PPP6C: variants seen among roughly 807,000 people sequenced by gnomAD.
PPP6C encodes the protein protein phosphatase 6 catalytic subunit.
In PPP6C, 11 loss-of-function variants were observed where a neutral mutation model predicts 39.8. The ratio of observed to expected loss-of-function variants is 0.28; its 90% CI spans 0.17 to 0.46. The LOEUF (loss-of-function observed/expected upper bound fraction) is 0.46. PPP6C is among the 20% of genes least tolerant of loss of function. The pLI, the probability that PPP6C is intolerant of heterozygous loss-of-function variation, is 1.00. For synonymous variants in PPP6C, 129 were observed against 130.3 expected, an observed-to-expected ratio of 0.99 and a Z score of 0.07; for missense variants, 211 against 373.9, an observed-to-expected ratio of 0.56 and a Z score of 3.59.
intron 2 of PPP6C, among the ~76,000 whole-genome samples, chr9:125,167,330 G>C (rs143036836): frequency 1.5e-3 from 197 of 130,714 alleles, no homozygotes; most frequent in African/African-American, 5.3e-3. Context: ...GCAATGAACT[G>C]AGATCACACC....
intron 2 of PPP6C, among the ~76,000 whole-genome samples, chr9:125,168,492 CTT>C (rs1235932285): frequency 2.0e-5 from 3 of 152,132 alleles, no homozygotes; most frequent in Non-Finnish European, 4.4e-5. Flanking sequence ...GAGTTTCGCT[CTT>C]GTTGCCCAGG....
At chr9:125,179,532 G>C (rs16927915) in intron 1 of PPP6C, among the ~76,000 whole-genome samples, 3,531 of 152,122 alleles carry the variant, frequency 0.023, 145 homozygotes, top group African/African-American at 0.082. Flanking sequence ...CCAGGTCTGG[G>C]TGGCTACCTA....
intron 1 of PPP6C, among the ~76,000 whole-genome samples, chr9:125,189,207 A>C (rs974782245): frequency 6.6e-6 from 1 of 152,196 alleles, no homozygotes; most frequent in Non-Finnish European, 1.5e-5. Context: ...GCGTTCCGGT[A>C]GCCGGTGGCA....
At chr9:125,164,141 T>C (rs1828958048) in intron 2 of PPP6C, among the ~76,000 whole-genome samples, 1 of 151,816 alleles carries the variant, frequency 6.6e-6, no homozygotes, top group Admixed American at 6.6e-5. Flanking sequence ...ACGGCCCTAT[T>C]TTCATCCTAC....
chr9:125,189,298 GC>G (rs1199305894), intron 1 of PPP6C, among the ~76,000 whole-genome samples: 2 of 152,244 alleles, frequency 1.3e-5, no homozygotes, highest in African/African-American at 4.8e-5. Flanking sequence ...TGCCGCGGGG[GC>G]TCGGCTCCGA....
intron 1 of PPP6C, among the ~76,000 whole-genome samples, chr9:125,185,914 G>A (rs1477668024): frequency 6.6e-6 from 1 of 152,000 alleles, no homozygotes; most frequent in Admixed American, 6.6e-5. Context: ...GAACCCGGGA[G>A]GCAGAGGTTG....
chr9:125,150,812 C>G, intron 6 of PPP6C: 2 of 743,184 alleles, frequency 2.7e-6, no homozygotes, highest in South Asian at 2.7e-5. Flanking sequence ...ATGTCTACAT[C>G]ATTCAGAGTG....
chr9:125,182,616 C>T (rs1291521853), intron 1 of PPP6C, among the ~76,000 whole-genome samples: 1 of 151,814 alleles, frequency 6.6e-6, no homozygotes, highest in South Asian at 2.1e-4. Context: ...TATTCACACG[C>T]TTATGATCCA....
intron 1 of PPP6C, among the ~76,000 whole-genome samples, chr9:125,172,272 C>T (rs1321763030): frequency 6.6e-6 from 1 of 151,922 alleles, no homozygotes; most frequent in East Asian, 1.9e-4. Flanking sequence ...GGCTGGAGTC[C>T]AGTAGCACAA....
chr9:125,159,732 G>T (rs1828812489), intron 3 of PPP6C, among the ~76,000 whole-genome samples: 1 of 152,178 alleles, frequency 6.6e-6, no homozygotes, highest in African/African-American at 2.4e-5. Context: ...TAGGAAAGTG[G>T]CCGGCGTGGT....
At chr9:125,151,680 C>G (rs567153870) in intron 6 of PPP6C, 2 of 466,258 alleles carry the variant, frequency 4.3e-6, no homozygotes, top group East Asian at 1.1e-4. Flanking sequence ...GCAGAAGACC[C>G]AGCTTGCTCC....
At chr9:125,188,480 A>T (rs1212476302) in intron 1 of PPP6C, among the ~76,000 whole-genome samples, 1 of 151,308 alleles carries the variant, frequency 6.6e-6, no homozygotes, top group Middle Eastern at 3.2e-3. Flanking sequence ...GCATAGAAAC[A>T]CTTTTCAAAG....
chr9:125,184,747 C>A, intron 1 of PPP6C, among the ~76,000 whole-genome samples: 1 of 151,830 alleles, frequency 6.6e-6, no homozygotes, highest in South Asian at 2.1e-4. Context: ...CCGAGGTGGG[C>A]GGATCACCTG....
chr9:125,160,279 T>C (rs938463346), intron 3 of PPP6C, among the ~76,000 whole-genome samples: 18 of 152,186 alleles, frequency 1.2e-4, no homozygotes, highest in Admixed American at 1.3e-4. Flanking sequence ...GCCCAACCAT[T>C]ACTGACAGCT....
At chr9:125,151,884 G>C (rs1331692185) in intron 6 of PPP6C, among the ~76,000 whole-genome samples, 1 of 152,198 alleles carries the variant, frequency 6.6e-6, no homozygotes, top group African/African-American at 2.4e-5. Flanking sequence ...TGTTGTGTGG[G>C]GGTGTTTGAC....
chr9:125,150,420 G>GT, intron 6 of PPP6C, among the ~76,000 whole-genome samples: 1 of 132,254 alleles, frequency 7.6e-6, no homozygotes, highest in Non-Finnish European at 1.6e-5. Flanking sequence ...CCAATATAAG[G>GT]GGTGTGTGTG....
Position 125,149,178 on chromosome 9 carries a change from G to C in PPP6C, c.*495C>G, listed in dbSNP as rs572341664. On this transcript the variant is annotated 3_prime_UTR_variant, in exon 7 of 7. Transcript: ENST00000373547. ...TCCATTTAAAATATCATCCAACAAA[G>C]GACAATGAAGTTTACATCTGGGACA... The C allele has an allele frequency of 1.3e-5, 2 of 152,548 alleles. No homozygotes were observed. The highest frequency in any genetic ancestry group is 3.9e-4 in the East Asian group (2 of 5,192). 9.4% of individuals were successfully genotyped at this position (152,548 alleles called of 1,614,324 possible).
rs1293865430 is a variant in PPP6C at position 125,146,614 on chromosome 9, ACTT to A, written c.*3056_*3058del. On this transcript the variant is annotated 3_prime_UTR_variant, in exon 7 of 7. Coordinates refer to ENST00000373547, the MANE Select transcript of PPP6C (RefSeq NM_002721.5). ...TTTTAATTTCTTATATAAAATGCTAACTTCTTGTCAGGACATACTACAGACTAT... is the reference window on the plus strand; with the variant it reads ...TTTTAATTTCTTATATAAAATGCTAACTTGTCAGGACATACTACAGACTAT... 5 of 152,194 alleles carry A rather than the reference ACTT, an allele frequency of 3.3e-5. No homozygotes were observed. Among genetic ancestry groups the A allele is most frequent in the African/African-American group, 1.2e-4 (5 of 41,438 alleles). 9.4% of individuals were successfully genotyped at this position (152,194 alleles called of 1,614,324 possible).
chr9:125,172,720 AAC>A (rs72238242), intron 1 of PPP6C, among the ~76,000 whole-genome samples: 98,544 of 144,646 alleles, frequency 0.68, 38,325 homozygotes, highest in Non-Finnish European at 0.89. Flanking sequence ...AATACACACA[AAC>A]ACACACACAC....
Sources: gnomAD v4.1 joint callset for allele counts (sites outside exome capture counted in the v4.1 genomes callset) on GRCh38, gnomAD v4.1.1 for gene constraint, MANE v1.5 for transcripts, NCBI Gene and HGNC (gene_info 2026-07-23, HGNC 2026-07-21) for gene names.